The following SYT2 variants were observed in gnomAD, a reference collection of about 807,000 sequenced individuals.
SYT2 encodes synaptotagmin 2.
In SYT2, 15 loss-of-function variants were observed where a neutral mutation model predicts 39.9. That is an observed-to-expected ratio of 0.38 (90% confidence interval 0.25 to 0.58). The LOEUF (loss-of-function observed/expected upper bound fraction) is 0.58, where lower values mean the gene tolerates loss of function less well. Ranked by LOEUF, SYT2 falls within the 20% of genes least tolerant of loss-of-function variation. The probability of loss-of-function intolerance (pLI) is 0.70; values close to 1 mark genes in which losing one functional copy is unlikely to be tolerated. For missense variants in SYT2, 389 were observed against 530.3 expected, an observed-to-expected ratio of 0.73 and a Z score of 2.62; for synonymous variants, 181 against 204.5, an observed-to-expected ratio of 0.89 and a Z score of 0.98.
At chr1:202,648,292 T>C (rs1056876614) in intron 1 of SYT2, among the ~76,000 whole-genome samples, 1 of 152,092 alleles carries the variant, frequency 6.6e-6, no homozygotes, top group East Asian at 1.9e-4. Flanking sequence ...GAGATTCTCA[T>C]GCCTCAGCCT....
chr1:202,661,070 T>C (rs747672926), intron 1 of SYT2, among the ~76,000 whole-genome samples: 3 of 152,166 alleles, frequency 2.0e-5, no homozygotes, highest in Non-Finnish European at 4.4e-5. Context: ...GACAGAGCAC[T>C]GAATGAGATA....
At chr1:202,700,969 A>C (rs1289194485) in intron 1 of SYT2, among the ~76,000 whole-genome samples, 4 of 152,260 alleles carry the variant, frequency 2.6e-5, no homozygotes, top group Admixed American at 2.6e-4. Flanking sequence ...GCCTCTGTGC[A>C]TGATTTTGTG....
chr1:202,640,891 C>T (rs545350587), intron 1 of SYT2, among the ~76,000 whole-genome samples: 28 of 152,098 alleles, frequency 1.8e-4, no homozygotes, highest in Admixed American at 1.6e-3. Flanking sequence ...CACTGCAAGT[C>T]CACAATCTTT....
chr1:202,604,730 C>T lies in SYT2; in HGVS notation c.179-109G>A, dbSNP rs183145025. Reference sequence around the variant, plus strand: ...GAATATGACTGCCATCCCACAATGCCCACACCCCACATTTTAAAAGCCACA... The same window carrying T: ...GAATATGACTGCCATCCCACAATGCTCACACCCCACATTTTAAAAGCCACA... On this transcript the variant is annotated intron_variant, in intron 2 of 8. Coordinates refer to ENST00000367268, the MANE Select transcript of SYT2 (RefSeq NM_177402.5). 30 of 1,039,630 alleles carry T rather than the reference C, an allele frequency of 2.9e-5. No homozygotes were observed. In the African/African-American group the frequency reaches 4.3e-4, roughly 15 times the overall value. The allele number at this position is 1,039,630 out of a possible 1,614,324, so 64.4% of individuals were successfully genotyped here.
chr1:202,702,134 G>T (rs947588771), intron 1 of SYT2, among the ~76,000 whole-genome samples: 1 of 152,136 alleles, frequency 6.6e-6, no homozygotes, highest in African/African-American at 2.4e-5. Flanking sequence ...TTCTATTACT[G>T]TCTGCCCCAG....
chr1:202,645,603 C>G (rs1692063998), intron 1 of SYT2, among the ~76,000 whole-genome samples: 1 of 152,200 alleles, frequency 6.6e-6, no homozygotes, highest in Non-Finnish European at 1.5e-5. Flanking sequence ...GACGCCTGAG[C>G]CTTATGCAAA....
chr1:202,649,878 C>T (rs1692158916), intron 1 of SYT2, among the ~76,000 whole-genome samples: 1 of 152,204 alleles, frequency 6.6e-6, no homozygotes. Context: ...CGCTAAAACC[C>T]ATCCACCTTC....
Position 202,603,090 on chromosome 1 carries a change from G to A in SYT2, c.374C>T (p.Thr125Ile). ...CTCCTCCCCTTCACCTTCCCCCTCA[G>A]TCAGGCCTGTCTCTGCGTCGTCGTC... ...QDDDDAETGL[T>I]EGEGEGEEEK... The change falls in exon 4 of 9, where the codon ACT (threonine) becomes ATT (isoleucine). Residue 125 changes from threonine (T) to isoleucine (I), a missense_variant. Transcript: ENST00000367268. The A allele has an allele frequency of 6.2e-7, 1 of 1,614,058 alleles. No individual in the cohort carries two copies. The highest frequency in any genetic ancestry group is 8.5e-7 in the Non-Finnish European group (1 of 1,180,002).
At chr1:202,706,906 A>G (rs530410317) in intron 1 of SYT2, among the ~76,000 whole-genome samples, 1 of 152,356 alleles carries the variant, frequency 6.6e-6, no homozygotes, top group African/African-American at 2.4e-5. Context: ...AGAGTTAAGC[A>G]TTATTACCTC....
At chr1:202,677,223 G>A (rs1298958877) in intron 1 of SYT2, among the ~76,000 whole-genome samples, 2 of 152,132 alleles carry the variant, frequency 1.3e-5, no homozygotes, top group Non-Finnish European at 1.5e-5. Flanking sequence ...AAATACATAT[G>A]TGGCAGATTC....
chr1:202,631,351 C>T (rs1691585097), intron 1 of SYT2, among the ~76,000 whole-genome samples: 1 of 152,168 alleles, frequency 6.6e-6, no homozygotes. Flanking sequence ...CAACAGAGAA[C>T]CGGCATGTAA....
Position 202,602,180 on chromosome 1 carries a change from C to T in SYT2, c.634-123G>A, listed in dbSNP as rs1572611451. 2.4e-6 allele frequency: 3 copies of T among 1,226,370 alleles called. No homozygotes were observed. In the East Asian group the frequency reaches 7.1e-5, roughly 29 times the overall value. 76.0% of individuals were successfully genotyped at this position (1,226,370 alleles called of 1,614,324 possible). A position where few individuals can be genotyped will look rare whatever the true frequency, so the allele number is the denominator to read the frequency against. On this transcript the variant is annotated intron_variant, in intron 5 of 8. Coordinates refer to ENST00000367268, the MANE Select transcript of SYT2 (RefSeq NM_177402.5). Reference sequence around the variant, plus strand: ...GTTAGTGTGCCGAGACAGACAAAGACCAAGGCTTTTGGGGAGCAGAGTGTG... The same window carrying T: ...GTTAGTGTGCCGAGACAGACAAAGATCAAGGCTTTTGGGGAGCAGAGTGTG...
intron 1 of SYT2, chr1:202,630,414 A>G (rs1691551271): frequency 2.0e-6 from 2 of 984,840 alleles, no homozygotes; most frequent in Admixed American, 1.2e-4. Flanking sequence ...TCTGCTGAGA[A>G]CCACAGGGCA....
At chr1:202,696,518 T>C (rs1158246605) in intron 1 of SYT2, among the ~76,000 whole-genome samples, 1 of 152,250 alleles carries the variant, frequency 6.6e-6, no homozygotes, top group Non-Finnish European at 1.5e-5. Context: ...GCATGATTAT[T>C]TTAATGTCTT....
chr1:202,606,687 C>T (rs762338435), intron 1 of SYT2, among the ~76,000 whole-genome samples: 17 of 152,148 alleles, frequency 1.1e-4, no homozygotes, highest in Admixed American at 2.6e-4. Flanking sequence ...AGCCCTGCCC[C>T]CACATGCAGC....
intron 1 of SYT2, among the ~76,000 whole-genome samples, chr1:202,609,347 A>G (rs1287937723): frequency 2.0e-5 from 3 of 152,134 alleles, no homozygotes; most frequent in Non-Finnish European, 2.9e-5. Flanking sequence ...ATACGTGTGC[A>G]TGTGTCTTTA....
intron 1 of SYT2, among the ~76,000 whole-genome samples, chr1:202,693,680 C>T (rs1418637895): frequency 6.6e-6 from 1 of 152,168 alleles, no homozygotes; most frequent in African/African-American, 2.4e-5. Flanking sequence ...ATGACTGTGA[C>T]CCTCCTGTGG....
At chr1:202,661,760 G>A (rs1371037670) in intron 1 of SYT2, among the ~76,000 whole-genome samples, 8 of 152,240 alleles carry the variant, frequency 5.3e-5, no homozygotes, top group Admixed American at 1.3e-4. Context: ...AAGGGCTTTC[G>A]AAATTCATTG....
chr1:202,693,871 T>C (rs1339616186), intron 1 of SYT2, among the ~76,000 whole-genome samples: 2 of 152,224 alleles, frequency 1.3e-5, no homozygotes, highest in African/African-American at 2.4e-5. Flanking sequence ...ATAGGAAGCA[T>C]TGCACCAGCA....
Sources: allele counts gnomAD v4.1 joint callset (sites outside exome capture counted in the v4.1 genomes callset), GRCh38; gene constraint gnomAD v4.1.1; transcripts MANE v1.5; gene names NCBI Gene and HGNC (gene_info 2026-07-23, HGNC 2026-07-21).